The following UNC13A variants were observed in gnomAD, a reference collection of about 807,000 sequenced individuals.
The protein encoded by UNC13A is protein unc-13 homolog A.
UNC13A carries 61 observed loss-of-function variants against 219.7 expected under a neutral mutation model. The observed-to-expected ratio is 0.28, with a 90% CI of 0.23 to 0.34. UNC13A has a LOEUF of 0.34. UNC13A is among the 10% of genes least tolerant of loss of function. UNC13A has a pLI of 1.00. For synonymous variants in UNC13A, 920 were observed against 884.6 expected, an observed-to-expected ratio of 1.04 and a Z score of -0.71; for missense variants, 1,476 against 2,270.3, an observed-to-expected ratio of 0.65 and a Z score of 7.11.
At chr19:17,647,546 T>G (rs2077040509) in intron 16 of UNC13A, 54 bp from the exon 17 acceptor site, 1 of 1,549,534 alleles carries the variant, frequency 6.5e-7, no homozygotes, top group Admixed American at 1.8e-5. Context: ...TAGTGGCCCC[T>G]CACCAAGGCG....
At chr19:17,681,991 A>C (rs2145930713) in intron 1 of UNC13A, among the ~76,000 whole-genome samples, 1 of 144,802 alleles carries the variant, frequency 6.9e-6, no homozygotes, top group East Asian at 2.1e-4. Context: ...CTCACTCTGT[A>C]GCCCAAGCTG....
At chr19:17,632,681 G>T in intron 28 of UNC13A, 101 bp downstream of exon 28, 1 of 1,555,078 alleles carries the variant, frequency 6.4e-7, no homozygotes. Context: ...TGCCCCTGAT[G>T]CCCAGGTAAC....
chr19:17,614,702 C>T (rs941502136), intron 41 of UNC13A, among the ~76,000 whole-genome samples: 1 of 152,084 alleles, frequency 6.6e-6, no homozygotes, highest in Non-Finnish European at 1.5e-5. Context: ...GCCTGGAGAC[C>T]CCCATCACCC....
At chr19:17,618,870 C>T (rs767667834) in intron 39 of UNC13A, 36 bp downstream of exon 39, 3 of 1,579,144 alleles carry the variant, frequency 1.9e-6, no homozygotes, top group South Asian at 1.1e-5. Context: ...GTTTGGGGGG[C>T]AGTCCCTCAC....
Position 17,606,353 on chromosome 19 carries a change from T to C in UNC13A, c.4813A>G (p.Thr1605Ala). 3.9e-6 allele frequency: 6 copies of C among 1,543,786 alleles called. No individual in the cohort carries two copies. Among genetic ancestry groups the C allele is most frequent in the Non-Finnish European group, 5.2e-6 (6 of 1,146,896 alleles). Residue 1605 changes from threonine (T) to alanine (A), a missense_variant and splice_region_variant, in exon 44 of 44, where the codon ACG becomes GCG. Thr to Ala is a moderately conservative substitution (Grantham distance 58, BLOSUM62 0). This residue lies in a region of UNC13A where 187 missense variants were observed against 172.3 expected (regional missense o/e 1.09). Transcript: ENST00000519716. ...TCGGGACCCGCGTCGGCGCTCAGCG[T>C]GCTGCGTGGGGAGGGGCGGAACGTG... Reference protein sequence around the residue: ...APKYNESFQFTLSADAGPECY... With the variant: ...APKYNESFQFALSADAGPECY...
At chr19:17,622,274 CA>C (rs1282881566) in intron 36 of UNC13A, among the ~76,000 whole-genome samples, 1 of 152,140 alleles carries the variant, frequency 6.6e-6, no homozygotes, top group Non-Finnish European at 1.5e-5. Context: ...CTGATTCTGG[CA>C]TATATTTACT....
intron 17 of UNC13A, among the ~76,000 whole-genome samples, chr19:17,646,437 G>T (rs1032430635): frequency 2.0e-5 from 3 of 151,988 alleles, no homozygotes; most frequent in African/African-American, 7.3e-5. Flanking sequence ...TGCATTTTTA[G>T]TAGAGATGGG....
intron 1 of UNC13A, among the ~76,000 whole-genome samples, chr19:17,681,213 T>C (rs901947258): frequency 2.6e-5 from 4 of 151,460 alleles, no homozygotes; most frequent in African/African-American, 9.7e-5. Context: ...GGATTCTAAT[T>C]AGGGGGGACT....
intron 1 of UNC13A, among the ~76,000 whole-genome samples, chr19:17,687,027 C>A (rs1018879023): frequency 6.6e-6 from 1 of 152,194 alleles, no homozygotes; most frequent in Non-Finnish European, 1.5e-5. Context: ...GGACCCCAGT[C>A]CTTAAGAACC....
At position 17,675,959 on chromosome 19, in the gene UNC13A, GAC is replaced by G; in HGVS notation, c.52+51_52+52del. 9 of 1,292,456 alleles carry G rather than the reference GAC, an allele frequency of 7.0e-6. No homozygotes were observed. The South Asian group carries it at 1.2e-4, about 18-fold the overall frequency. The allele number at this position is 1,292,456 out of a possible 1,614,324, so 80.1% of individuals were successfully genotyped here. On this transcript the variant is annotated intron_variant, in intron 2 of 43. Coordinates refer to ENST00000519716, the MANE Select transcript of UNC13A (RefSeq NM_001080421.3). ...GGACCCCCTCCCAGTCTCTCCAAGA[GAC>G]AGACAGACAGACAGACAACACGGGA...
At chr19:17,613,584 A>G (rs1305601059) in intron 41 of UNC13A, 1 of 151,992 alleles carries the variant, frequency 6.6e-6, no homozygotes, top group Non-Finnish European at 1.5e-5. Context: ...CCAGCCCCAC[A>G]GGTCACCTCA....
Position 17,648,930 on chromosome 19 carries a change from C to T in UNC13A, c.1578G>A (p.Thr526=), listed in dbSNP as rs755797847. 4 of 1,602,092 alleles carry T rather than the reference C, an allele frequency of 2.5e-6. No homozygotes were observed. Among genetic ancestry groups the T allele is most frequent in the African/African-American group, 2.7e-5 (2 of 74,766 alleles). ...AGITSALASS[T]LNNEELKNHV... Reference sequence around the variant, plus strand: ...CACGCACCAGCTCCTCGTTGTTCAACGTGCTGGAGGCCAAGGCCGAGGTGA... The same window carrying T: ...CACGCACCAGCTCCTCGTTGTTCAATGTGCTGGAGGCCAAGGCCGAGGTGA... The change falls in exon 15 of 44, where the codon ACG becomes ACA. Residue 526 remains threonine (T), a synonymous_variant. Transcript: ENST00000519716.
intron 23 of UNC13A, 49 bp from the exon 24 acceptor site, chr19:17,639,574 G>T (rs1227565678): frequency 1.3e-6 from 2 of 1,578,962 alleles, no homozygotes. Flanking sequence ...GGCGTGGGGA[G>T]GATGGGAGAC....
In UNC13A at chr19:17,646,928, C is replaced by A. The variant is rs140426513; in HGVS notation, c.2044+337G>T. On this transcript the variant is annotated intron_variant, in intron 17 of 43. Coordinates refer to ENST00000519716, the MANE Select transcript of UNC13A (RefSeq NM_001080421.3). ...CACAGCATTGTCTGCTCAACGGCAT[C>A]TCCTTCAGGACTCCTTCCATCCCTG... is the stretch of plus-strand genomic sequence containing the variant. 5.8e-4 allele frequency among the ~76,000 whole-genome samples: 88 copies of A among 152,266 alleles called. 1 individual carries two copies. The East Asian group carries it at 0.016, about 27-fold the overall frequency.
intron 23 of UNC13A, 113 bp downstream of exon 23, chr19:17,639,727 C>G (rs1183530514): frequency 8.5e-6 from 11 of 1,301,290 alleles, no homozygotes; most frequent in Non-Finnish European, 1.2e-5. Context: ...GCTGGAGGAA[C>G]ACATCGTACA....
At chr19:17,623,573 G>T in intron 35 of UNC13A, 26 bp from the exon 36 acceptor site, 1 of 1,226,768 alleles carries the variant, frequency 8.2e-7, no homozygotes, top group Non-Finnish European at 1.1e-6. Context: ...GGGGCGGGGC[G>T]GTGGGGGAGG....
In UNC13A at chr19:17,630,282, G is replaced by A; in HGVS notation, c.3532C>T (p.Gln1178Ter). The A allele has an allele frequency of 6.4e-7, 1 of 1,562,212 alleles. No homozygotes were observed. The highest frequency in any genetic ancestry group is 8.7e-7 in the Non-Finnish European group (1 of 1,152,974). ...LERDKKDGFQ[Q>*]TSEHALFSCS... Reference sequence around the variant, plus strand: ...GAGAATAGGGCATGCTCTGAGGTCTGCTGGAACTGCAGGGGGAAGGAGGCC... The same window carrying A: ...GAGAATAGGGCATGCTCTGAGGTCTACTGGAACTGCAGGGGGAAGGAGGCC... The change falls in exon 30 of 44, where the codon CAG becomes TAG. Residue 1178 changes from glutamine to a stop codon, truncating the protein, a stop_gained. Coordinates refer to ENST00000519716, the MANE Select transcript of UNC13A (RefSeq NM_001080421.3). LOFTEE classifies it high-confidence loss of function.
intron 9 of UNC13A, 146 bp from the exon 10 acceptor site, chr19:17,656,544 C>T: frequency 1.1e-6 from 1 of 925,690 alleles, no homozygotes; most frequent in Non-Finnish European, 1.6e-6. Flanking sequence ...CAGCCATGAT[C>T]AGAAAAGACA....
chr19:17,652,662 C>G lies in UNC13A; in HGVS notation c.1408G>C (p.Glu470Gln). 1 of 1,613,786 alleles carries G rather than the reference C, an allele frequency of 6.2e-7. No homozygotes were observed. ...MQLQEARGEG[E>Q]MSKSLWFKGG... ...TTGAACCATAGGGATTTAGACATCT[C>G]TCCTTCTCCCCGGGCCTGCAGGACA... is the stretch of plus-strand genomic sequence containing the variant. Residue 470 changes from glutamate (E) to glutamine (Q), a missense_variant, in exon 12 of 44, where the codon GAG becomes CAG. This residue lies in a region of UNC13A where 351 missense variants were observed against 342.6 expected (regional missense o/e 1.02). Transcript: ENST00000519716.
Sources: allele counts gnomAD v4.1 joint callset (sites outside exome capture counted in the v4.1 genomes callset), GRCh38; gene constraint gnomAD v4.1.1; regional missense constraint gnomAD v4.1.1; transcripts MANE v1.5; gene names NCBI Gene and HGNC (gene_info 2026-07-23, HGNC 2026-07-21).